PAX2: variants seen among roughly 807,000 people sequenced by gnomAD.
PAX2 encodes the protein paired box protein Pax-2.
Under a neutral mutation model 41.7 loss-of-function variants are expected in PAX2, and 9 were observed. The observed-to-expected ratio is 0.22, with a 90% CI of 0.13 to 0.38. The LOEUF (loss-of-function observed/expected upper bound fraction) is 0.38. PAX2 is among the 10% of genes least tolerant of loss of function. The pLI is 1.00. For synonymous variants in PAX2, 221 were observed against 212.7 expected, an observed-to-expected ratio of 1.04 and a Z score of -0.34; for missense variants, 418 against 531.6, an observed-to-expected ratio of 0.79 and a Z score of 2.10.
intron 7 of PAX2, among the ~76,000 whole-genome samples, chr10:100,823,113 A>G (rs1564745582): frequency 6.6e-6 from 1 of 152,246 alleles, no homozygotes; most frequent in Non-Finnish European, 1.5e-5. Flanking sequence ...AGACATTGCC[A>G]AGGAGAATTG....
upstream of PAX2, among the ~76,000 whole-genome samples, chr10:100,745,397 A>G (rs1845114786): frequency 1.6e-5 from 2 of 122,020 alleles, no homozygotes; most frequent in Admixed American, 8.4e-5. Flanking sequence ...CCTAGCCGGC[A>G]CCGGAGTGAC....
chr10:100,741,738 C>T (rs1844963864), upstream of PAX2, among the ~76,000 whole-genome samples: 1 of 152,228 alleles, frequency 6.6e-6, no homozygotes, highest in African/African-American at 2.4e-5. Context: ...TGCGGAGCTG[C>T]AGCTCTGTTC....
In PAX2 at chr10:100,827,711, C is replaced by G; in HGVS notation, c.*92C>G. ...CCACCCCGGAGGGAGGGAGGACCGACGCGACGCGATGCCTCCCGGCCACCG... is the reference window on the plus strand; with the variant it reads ...CCACCCCGGAGGGAGGGAGGACCGAGGCGACGCGATGCCTCCCGGCCACCG... On this transcript the variant is annotated 3_prime_UTR_variant, in exon 10 of 10. Coordinates refer to ENST00000355243, the MANE Select transcript of PAX2 (RefSeq NM_000278.5). The surrounding 1 kb of genome is among the most constrained non-coding windows in gnomAD (Gnocchi z 8.5). 1.9e-6 allele frequency: 3 copies of G among 1,609,394 alleles called. No individual in the cohort carries two copies. Among genetic ancestry groups the G allele is most frequent in the Non-Finnish European group, 2.5e-6 (3 of 1,177,638 alleles).
At chr10:100,749,705 C>T (rs1482922131) in intron 1 of PAX2, 41 bp from the exon 2 acceptor site, 1 of 1,593,646 alleles carries the variant, frequency 6.3e-7, no homozygotes, top group African/African-American at 1.3e-5. Flanking sequence ...CCGGTCCCTG[C>T]TGTGTGTGGG....
intron 8 of PAX2, among the ~76,000 whole-genome samples, chr10:100,825,317 A>G (rs888322755): frequency 4.6e-5 from 7 of 152,146 alleles, no homozygotes; most frequent in African/African-American, 1.7e-4. Context: ...CTGCAGTGAG[A>G]CAGGCTAGAA....
At chr10:100,802,253 G>A (rs1847590955) in intron 5 of PAX2, among the ~76,000 whole-genome samples, 2 of 152,194 alleles carry the variant, frequency 1.3e-5, no homozygotes, top group East Asian at 1.9e-4. Context: ...CACATGACCA[G>A]CAGCCTCCAG....
chr10:100,775,627 A>G (rs1031793601), intron 3 of PAX2, among the ~76,000 whole-genome samples: 43 of 151,372 alleles, frequency 2.8e-4, no homozygotes, highest in African/African-American at 1.0e-3. Context: ...AAAGACAGAA[A>G]CTCCTCAAGC....
rs1845129673 is a variant in PAX2 at position 100,745,676 on chromosome 10, C to G, written c.-585C>G. 1.1e-6 allele frequency: 1 copy of G among 898,838 alleles called. No individual in the cohort carries two copies. 55.7% of individuals were successfully genotyped at this position (898,838 alleles called of 1,614,324 possible). On this transcript the variant is annotated 5_prime_UTR_variant, in exon 1 of 10. Transcript: ENST00000355243. ...GCTCCCTCCCTCCCTCCCGGCCCTTCGGCCGCGGCGGCGTGCGCCTGCCTT... is the reference window on the plus strand; with the variant it reads ...GCTCCCTCCCTCCCTCCCGGCCCTTGGGCCGCGGCGGCGTGCGCCTGCCTT...
chr10:100,777,909 C>T (rs1350469485), intron 3 of PAX2, among the ~76,000 whole-genome samples: 6 of 152,154 alleles, frequency 3.9e-5, no homozygotes, highest in African/African-American at 1.4e-4. Flanking sequence ...ATTCTTGTTT[C>T]CTCTTAGTCC....
chr10:100,735,733 G>T, exon 1 of PAX2: 1 of 1,045,006 alleles, frequency 9.6e-7, no homozygotes, highest in Non-Finnish European at 1.2e-6. Context: ...GGGTCCGGCA[G>T]GTAAGAGCGG....
chr10:100,821,010 C>G (rs1373273946), intron 7 of PAX2, among the ~76,000 whole-genome samples: 1 of 152,188 alleles, frequency 6.6e-6, no homozygotes, highest in Admixed American at 6.5e-5. Flanking sequence ...TCTGTCTGCA[C>G]TCATGTTTTT....
intron 3 of PAX2, among the ~76,000 whole-genome samples, chr10:100,754,932 T>C (rs1429087765): frequency 6.6e-6 from 1 of 151,516 alleles, no homozygotes. Flanking sequence ...AGTTGGAGAG[T>C]TCAGAAAAAG....
chr10:100,785,391 C>T (rs1846805821), intron 5 of PAX2, among the ~76,000 whole-genome samples: 1 of 152,128 alleles, frequency 6.6e-6, no homozygotes, highest in Non-Finnish European at 1.5e-5. Context: ...TTGGGATCAT[C>T]CTTTGAGGTG....
chr10:100,760,139 C>T (rs1374672906), intron 3 of PAX2, among the ~76,000 whole-genome samples: 1 of 152,152 alleles, frequency 6.6e-6, no homozygotes, highest in Non-Finnish European at 1.5e-5. Flanking sequence ...TTTGGAAAGA[C>T]TATGTGTGCT....
At position 100,745,749 on chromosome 10, in the gene PAX2, A is replaced by G; in HGVS notation, c.-512A>G. On this transcript the variant is annotated 5_prime_UTR_variant, in exon 1 of 10. Transcript: ENST00000355243. ...CGCGCGCTCCCCTCCCGCAGGCGCCACCTCGGACATCCCCGGGATTGCTAC... is the reference window on the plus strand; with the variant it reads ...CGCGCGCTCCCCTCCCGCAGGCGCCGCCTCGGACATCCCCGGGATTGCTAC... 9.9e-7 allele frequency: 1 copy of G among 1,006,132 alleles called. No homozygotes were observed. Among genetic ancestry groups the G allele is most frequent in the Non-Finnish European group, 1.2e-6 (1 of 843,280 alleles). The allele number at this position is 1,006,132 out of a possible 1,614,324, so 62.3% of individuals were successfully genotyped here. A position where few individuals can be genotyped will look rare whatever the true frequency, so the allele number is the denominator to read the frequency against.
At chr10:100,741,948 C>T (rs1844970413), upstream of PAX2, among the ~76,000 whole-genome samples, 2 of 152,186 alleles carry the variant, frequency 1.3e-5, no homozygotes, top group African/African-American at 2.4e-5. Context: ...CCTAGCCGCT[C>T]CCCGGGAAGT....
chr10:100,827,416 C>A lies in PAX2; in HGVS notation c.1109-127C>A. 1.0e-6 allele frequency: 1 copy of A among 965,396 alleles called. No individual in the cohort carries two copies. The allele number at this position is 965,396 out of a possible 1,614,324, so 59.8% of individuals were successfully genotyped here. A position where few individuals can be genotyped will look rare whatever the true frequency, so the allele number is the denominator to read the frequency against. ...GGGGCAACTGGCTCCACTGCCCAGC[C>A]AAGGTCTCCCAGTCCGGATCCCGCT... is the stretch of plus-strand genomic sequence containing the variant. On this transcript the variant is annotated intron_variant, in intron 9 of 9. Coordinates refer to ENST00000355243, the MANE Select transcript of PAX2 (RefSeq NM_000278.5). This position sits in a 1 kb window ranked among gnomAD's most constrained non-coding sequence, Gnocchi z 8.5.
At chr10:100,785,726 C>T (rs1323036828) in intron 5 of PAX2, among the ~76,000 whole-genome samples, 2 of 152,146 alleles carry the variant, frequency 1.3e-5, no homozygotes, top group Non-Finnish European at 2.9e-5. Context: ...TGGCTTGAGG[C>T]AGCAGAAGGT....
At chr10:100,784,032 C>T (rs997365311) in intron 5 of PAX2, among the ~76,000 whole-genome samples, 3 of 152,156 alleles carry the variant, frequency 2.0e-5, no homozygotes, top group Admixed American at 1.3e-4. Context: ...TCCTGATCCA[C>T]CAGCCCCTGG....
Sources: gnomAD v4.1 joint callset for allele counts (sites outside exome capture counted in the v4.1 genomes callset) on GRCh38, gnomAD v4.1.1 for gene constraint, Gnocchi (gnomAD v3.1) non-coding constraint, MANE v1.5 for transcripts, NCBI Gene and HGNC (gene_info 2026-07-23, HGNC 2026-07-21) for gene names.